The following FAM156A variants were observed in gnomAD, a reference collection of about 807,000 sequenced individuals.
The protein encoded by FAM156A is protein FAM156A/FAM156B.
chrX:52,989,372 T>G (rs1370335099), intron 1 of FAM156A, among the ~76,000 whole-genome samples: 2 of 112,333 alleles, frequency 1.8e-5, no homozygotes, highest in Non-Finnish European at 3.8e-5. Flanking sequence ...GGTGGCCGCA[T>G]CTGTCCTTCC....
chrX:52,992,628 T>C (rs1602066180), intron 1 of FAM156A, among the ~76,000 whole-genome samples: 1 of 105,299 alleles, frequency 9.5e-6, no homozygotes, highest in Non-Finnish European at 2.0e-5. Context: ...TGCCTGAGAG[T>C]GTATAAAACG....
intron 1 of FAM156A, among the ~76,000 whole-genome samples, chrX:52,975,077 C>T (rs1929357073): frequency 2.8e-5 from 3 of 108,855 alleles, no homozygotes; most frequent in African/African-American, 1.0e-4. Context: ...CACACACACA[C>T]ACACACACAC....
rs782640331 is a variant in FAM156A, at chrX:52,993,662, G to A, written c.-434+1644C>T. Among the ~76,000 whole-genome samples, 63 of 110,487 alleles carry A rather than the reference G, an allele frequency of 5.7e-4. 1 individual carries two copies. Among genetic ancestry groups the A allele is most frequent in the African/African-American group, 1.7e-3 (53 of 30,375 alleles). On this transcript the variant is annotated intron_variant, in intron 1 of 4. Transcript: ENST00000610625. Reference sequence around the variant, plus strand: ...ACTCCCAACCCCAGGTGATCTGCCCGCCTCGGCCTACCAAAGTGCTGGGAT... The same window carrying A: ...ACTCCCAACCCCAGGTGATCTGCCCACCTCGGCCTACCAAAGTGCTGGGAT...
intron 1 of FAM156A, among the ~76,000 whole-genome samples, chrX:52,986,350 GACAAAGACAGC>G: frequency 9.1e-6 from 1 of 109,472 alleles, no homozygotes; most frequent in South Asian, 3.8e-4. Context: ...ACCAAAATCA[GACAAAGACAGC>G]ATTAAGAAAA....
intron 1 of FAM156A, among the ~76,000 whole-genome samples, chrX:52,983,671 C>A (rs1930065211): frequency 8.9e-6 from 1 of 112,298 alleles, no homozygotes; most frequent in Non-Finnish European, 1.9e-5. Context: ...TGTGAATTCC[C>A]AGTCCCTTTC....
At chrX:52,977,446 A>G (rs1556792591) in intron 1 of FAM156A, among the ~76,000 whole-genome samples, 1 of 111,164 alleles carries the variant, frequency 9.0e-6, no homozygotes, top group Non-Finnish European at 1.9e-5. Flanking sequence ...AAATGAATTT[A>G]CTTTTTTGAG....
intron 1 of FAM156A, among the ~76,000 whole-genome samples, chrX:52,985,893 T>C (rs932739748): frequency 9.1e-6 from 1 of 109,620 alleles, no homozygotes; most frequent in Admixed American, 9.8e-5. Context: ...CTGTACAACA[T>C]GGCAAAACTC....
chrX:52,988,735 A>T (rs1329227877), intron 1 of FAM156A, among the ~76,000 whole-genome samples: 1 of 112,418 alleles, frequency 8.9e-6, no homozygotes, highest in Non-Finnish European at 1.9e-5. Context: ...CCTCTTTTAT[A>T]TCTGGCTTCA....
chrX:52,991,440 A>G (rs1556795591), intron 1 of FAM156A, among the ~76,000 whole-genome samples: 1 of 111,097 alleles, frequency 9.0e-6, no homozygotes. Flanking sequence ...ACCCACGCCA[A>G]TCTTCCTCCA....
chrX:52,990,699 G>A (rs782127655), intron 1 of FAM156A, among the ~76,000 whole-genome samples: 1 of 109,583 alleles, frequency 9.1e-6, no homozygotes. Context: ...CAGGAGAATC[G>A]CTTGAACCTG....
intron 1 of FAM156A, among the ~76,000 whole-genome samples, chrX:52,991,579 TAAA>T (rs1930775516): frequency 9.0e-6 from 1 of 111,581 alleles, no homozygotes; most frequent in Non-Finnish European, 1.9e-5. Flanking sequence ...AATAGTGATA[TAAA>T]AGGCATCACT....
chrX:52,995,338 G>C (rs1240197623), exon 1 of FAM156A: 1 of 112,931 alleles, frequency 8.9e-6, no homozygotes, highest in African/African-American at 3.2e-5. Flanking sequence ...ACTTTGCCGG[G>C]GTGGCATCTC....
At chrX:52,980,866 A>C (rs929409406) in intron 1 of FAM156A, among the ~76,000 whole-genome samples, 2 of 101,697 alleles carry the variant, frequency 2.0e-5, no homozygotes, top group Non-Finnish European at 4.0e-5. Flanking sequence ...GGAGAGAGAG[A>C]GAGAGAGGCT....
chrX:52,977,025 T>G (rs1171897946), intron 1 of FAM156A, among the ~76,000 whole-genome samples: 1 of 106,904 alleles, frequency 9.4e-6, no homozygotes, highest in African/African-American at 3.4e-5. Flanking sequence ...CATATATATA[T>G]ATATACACAC....
intron 1 of FAM156A, among the ~76,000 whole-genome samples, chrX:52,981,651 G>A (rs1556793426): frequency 9.0e-6 from 1 of 111,640 alleles, no homozygotes; most frequent in African/African-American, 3.3e-5. Context: ...ATTGACACCA[G>A]TTCCTCCTCT....
intron 1 of FAM156A, among the ~76,000 whole-genome samples, chrX:52,985,965 C>A (rs1447014130): frequency 9.1e-6 from 1 of 110,206 alleles, no homozygotes; most frequent in Non-Finnish European, 1.9e-5. Context: ...ATAAACCAAT[C>A]ATCTAAATAG....
chrX:52,979,956 G>A (rs1195664857), intron 1 of FAM156A, among the ~76,000 whole-genome samples: 2 of 112,175 alleles, frequency 1.8e-5, no homozygotes, highest in Admixed American at 9.5e-5. Context: ...GAATATCATC[G>A]CCCATTTTGG....
chrX:52,989,154 C>T (rs1310282469), intron 1 of FAM156A, among the ~76,000 whole-genome samples: 1 of 111,364 alleles, frequency 9.0e-6, no homozygotes, highest in African/African-American at 3.3e-5. Flanking sequence ...CAGTAACTCA[C>T]AGTGAGCTCA....
chrX:52,984,982 T>C (rs5951167), intron 1 of FAM156A, among the ~76,000 whole-genome samples: 18,955 of 110,329 alleles, frequency 0.17, 1,243 homozygotes, highest in Middle Eastern at 0.24. Context: ...CTCAGTAATA[T>C]ATAGAAATAG....
Sources: gnomAD v4.1 joint callset for allele counts (sites outside exome capture counted in the v4.1 genomes callset) on GRCh38, gnomAD v4.1.1 for gene constraint, MANE v1.5 for transcripts, NCBI Gene and HGNC (gene_info 2026-07-23, HGNC 2026-07-21) for gene names.